The following TRAF3IP1 variants were observed in gnomAD, a reference collection of about 807,000 sequenced individuals.
TRAF3IP1 encodes TRAF3-interacting protein 1.
Under a neutral mutation model 89.9 loss-of-function variants are expected in TRAF3IP1, and 53 were observed. The observed-to-expected ratio is 0.59, with a 90% CI of 0.47 to 0.74. TRAF3IP1 has a LOEUF of 0.74. TRAF3IP1 is among the 30% of genes least tolerant of loss of function. TRAF3IP1 has a pLI of 0.00. For missense variants in TRAF3IP1, 806 were observed against 866.1 expected (o/e 0.93, Z 0.87); for synonymous variants, 311 against 322.1 (o/e 0.97, Z 0.37).
At chr2:238,337,763 A>G (rs1559361860) in intron 7 of TRAF3IP1, among the ~76,000 whole-genome samples, 1 of 152,144 alleles carries the variant, frequency 6.6e-6, no homozygotes, top group Non-Finnish European at 1.5e-5. Flanking sequence ...CTTTATTGAC[A>G]TAGACGGTTC....
At position 238,329,108 on chromosome 2, in the gene TRAF3IP1, C is replaced by T. The variant is rs767724974; in HGVS notation, c.681C>T (p.Asp227=). 7.7e-6 allele frequency: 12 copies of T among 1,550,060 alleles called. No homozygotes were observed. Among genetic ancestry groups the T allele is most frequent in the Non-Finnish European group, 1.0e-5 (12 of 1,146,694 alleles). ...RERAKARARP[D]NERQKDRGNR... ...GAGCCAAAGCCCGGGCCAGGCCAGA[C>T]AACGAGCGACAGAAAGACAGAGGCA... is the stretch of plus-strand genomic sequence containing the variant. The change falls in exon 5 of 17, where the codon GAC becomes GAT. Residue 227 remains aspartate, a synonymous_variant. Transcript: ENST00000373327.
intron 15 of TRAF3IP1, among the ~76,000 whole-genome samples, chr2:238,391,031 T>A (rs1040159862): frequency 6.6e-6 from 1 of 152,232 alleles, no homozygotes; most frequent in African/African-American, 2.4e-5. Context: ...CTTGGCTCAC[T>A]GCAACCTTCT....
At chr2:238,377,332 C>T (rs1035415907) in intron 15 of TRAF3IP1, among the ~76,000 whole-genome samples, 1 of 144,470 alleles carries the variant, frequency 6.9e-6, no homozygotes, top group African/African-American at 2.6e-5. Context: ...TTCCTAGGCT[C>T]AGGTGATCCT....
intron 5 of TRAF3IP1, among the ~76,000 whole-genome samples, chr2:238,332,300 T>C (rs1698164319): frequency 6.6e-6 from 1 of 152,228 alleles, no homozygotes; most frequent in African/African-American, 2.4e-5. Context: ...TGAGATAAGA[T>C]GGTGTTTACG....
intron 6 of TRAF3IP1, among the ~76,000 whole-genome samples, chr2:238,333,574 G>T (rs536800262): frequency 3.3e-5 from 5 of 152,274 alleles, no homozygotes; most frequent in Admixed American, 3.3e-4. Flanking sequence ...TTTGATTTGT[G>T]TTCTGTTTAA....
At chr2:238,390,891 T>C (rs961374287) in intron 15 of TRAF3IP1, among the ~76,000 whole-genome samples, 1 of 152,110 alleles carries the variant, frequency 6.6e-6, no homozygotes, top group African/African-American at 2.4e-5. Flanking sequence ...CCCCGAATCC[T>C]CCTATGGTCT....
At chr2:238,364,692 T>C (rs1188958591) in intron 15 of TRAF3IP1, among the ~76,000 whole-genome samples, 1 of 152,164 alleles carries the variant, frequency 6.6e-6, no homozygotes, top group Non-Finnish European at 1.5e-5. Context: ...TCATTTAAAT[T>C]TTTTATTTTG....
chr2:238,397,256 C>T (rs1701266182), intron 15 of TRAF3IP1, among the ~76,000 whole-genome samples: 1 of 152,192 alleles, frequency 6.6e-6, no homozygotes, highest in African/African-American at 2.4e-5. Context: ...AGTGCTGTGT[C>T]CTCTGATGGC....
At chr2:238,333,024 C>G (rs1347947130) in intron 6 of TRAF3IP1, 129 bp downstream of exon 6, 1 of 661,324 alleles carries the variant, frequency 1.5e-6, no homozygotes, top group Non-Finnish European at 2.7e-6. Flanking sequence ...TGTAATAGGT[C>G]CATTTTATTT....
intron 15 of TRAF3IP1, among the ~76,000 whole-genome samples, chr2:238,364,828 C>T (rs549787070): frequency 3.3e-5 from 5 of 152,288 alleles, no homozygotes; most frequent in African/African-American, 1.2e-4. Flanking sequence ...TGCTAGACGT[C>T]ACGCCCATAT....
chr2:238,356,952 G>A (rs1417856127), intron 15 of TRAF3IP1, among the ~76,000 whole-genome samples: 1 of 152,038 alleles, frequency 6.6e-6, no homozygotes, highest in Non-Finnish European at 1.5e-5. Flanking sequence ...CTAATATTTT[G>A]TATTTTTAGT....
intron 12 of TRAF3IP1, among the ~76,000 whole-genome samples, chr2:238,350,918 C>T (rs1025620407): frequency 4.0e-5 from 6 of 151,836 alleles, no homozygotes; most frequent in African/African-American, 7.3e-5. Context: ...TATGTGGAAG[C>T]GCCACGGTCA....
chr2:238,350,225 G>T (rs1440678702), intron 12 of TRAF3IP1, among the ~76,000 whole-genome samples: 2 of 152,090 alleles, frequency 1.3e-5, no homozygotes, highest in Non-Finnish European at 2.9e-5. Context: ...AATAAGACTA[G>T]AAAGTGGGAA....
intron 15 of TRAF3IP1, among the ~76,000 whole-genome samples, chr2:238,383,782 AT>A (rs1269171608): frequency 6.6e-6 from 1 of 152,240 alleles, no homozygotes; most frequent in East Asian, 1.9e-4. Flanking sequence ...CATGTTGCAA[AT>A]TGAGGTGAAT....
rs1017070780 is a variant in TRAF3IP1, at chr2:238,400,167, C to T, written c.*1248C>T. 2 of 150,766 alleles carry T rather than the reference C, an allele frequency of 1.3e-5. No individual in the cohort carries two copies. The highest frequency in any genetic ancestry group is 2.9e-5 in the Non-Finnish European group (2 of 67,842). 9.3% of individuals were successfully genotyped at this position (150,766 alleles called of 1,614,324 possible). On this transcript the variant is annotated 3_prime_UTR_variant, in exon 17 of 17. Transcript: ENST00000373327. ...CTGGAGTGCAGTGGCGCAATCTCGG[C>T]TCACTGCAACCACCGCCTCCCGAGT...
intron 15 of TRAF3IP1, among the ~76,000 whole-genome samples, chr2:238,374,374 A>G (rs1379565364): frequency 1.3e-5 from 2 of 152,192 alleles, no homozygotes; most frequent in Non-Finnish European, 2.9e-5. Flanking sequence ...CCTTTTCTGC[A>G]TTTATTGAGA....
intron 12 of TRAF3IP1, among the ~76,000 whole-genome samples, chr2:238,350,425 T>C (rs1232924766): frequency 6.6e-6 from 1 of 152,098 alleles, no homozygotes; most frequent in Non-Finnish European, 1.5e-5. Context: ...TTTCTGGTAC[T>C]TATTTTTCTC....
intron 15 of TRAF3IP1, among the ~76,000 whole-genome samples, chr2:238,384,341 T>TGGATGG (rs1559392387): frequency 1.7e-5 from 2 of 114,864 alleles, no homozygotes; most frequent in East Asian, 4.2e-4. Context: ...CAACCTGATG[T>TGGATGG]ATGTATGTAT....
At chr2:238,382,853 G>A (rs112122202) in intron 15 of TRAF3IP1, among the ~76,000 whole-genome samples, 6 of 151,366 alleles carry the variant, frequency 4.0e-5, no homozygotes, top group African/African-American at 1.2e-4. Flanking sequence ...TTCCCTGGAC[G>A]GTTGGTCACA....
Sources: allele counts gnomAD v4.1 joint callset (sites outside exome capture counted in the v4.1 genomes callset), GRCh38; gene constraint gnomAD v4.1.1; transcripts MANE v1.5; gene names NCBI Gene and HGNC (gene_info 2026-07-23, HGNC 2026-07-21).